UBE2D2: variants seen among roughly 807,000 people sequenced by gnomAD.
UBE2D2 encodes ubiquitin-conjugating enzyme E2 D2.
UBE2D2 carries 2 observed loss-of-function variants against 24.2 expected under a neutral mutation model. The ratio of observed to expected loss-of-function variants is 0.08; its 90% CI spans 0.03 to 0.26. The LOEUF is 0.26. UBE2D2 is among the 10% of genes least tolerant of loss of function. The pLI, the probability that UBE2D2 is intolerant of heterozygous loss-of-function variation, is 1.00. For synonymous variants in UBE2D2, 58 were observed against 56.5 expected (o/e 1.03, Z -0.12); for missense variants, 44 against 177.6 (o/e 0.25, Z 4.28).
chr5:139,532,437 C>T (rs1029590209), intron 1 of UBE2D2, among the ~76,000 whole-genome samples: 4 of 151,864 alleles, frequency 2.6e-5, no homozygotes, highest in African/African-American at 9.7e-5. Flanking sequence ...CTGCAAGCTC[C>T]GCCTCCTCGG....
At position 139,626,681 on chromosome 5, in the gene UBE2D2, A is replaced by T. The variant is rs371268801; in HGVS notation, c.399-75A>T. ...TAAGCTACTCTCTTCAAGTTACTTG[A>T]TGGGATAATGAATGGAATCTGTTGC... On this transcript the variant is annotated intron_variant, in intron 6 of 6. Transcript: ENST00000398733. The T allele has an allele frequency of 3.2e-6, 4 of 1,246,304 alleles. No homozygotes were observed. In the African/African-American group the frequency reaches 4.5e-5, roughly 14 times the overall value. The allele number at this position is 1,246,304 out of a possible 1,614,324, so 77.2% of individuals were successfully genotyped here. A position where few individuals can be genotyped will look rare whatever the true frequency, so the allele number is the denominator to read the frequency against.
intron 1 of UBE2D2, among the ~76,000 whole-genome samples, chr5:139,583,717 A>C (rs1656462865): frequency 6.6e-6 from 1 of 152,182 alleles, no homozygotes; most frequent in Non-Finnish European, 1.5e-5. Flanking sequence ...AGCTGAGATC[A>C]TGCCACTGCA....
chr5:139,614,887 T>C lies in UBE2D2; in HGVS notation c.225T>C (p.His75=). 1 of 1,613,922 alleles carries C rather than the reference T, an allele frequency of 6.2e-7. No homozygotes were observed. The highest frequency in any genetic ancestry group is 8.5e-7 in the Non-Finnish European group (1 of 1,179,940). ...TTGCATTTACAACAAGAATTTATCATCCAAATATTAACAGTAATGGCAGCA... is the reference window on the plus strand; with the variant it reads ...TTGCATTTACAACAAGAATTTATCACCCAAATATTAACAGTAATGGCAGCA... The part of the protein sequence containing the change: ...PKVAFTTRIY[H]PNINSNGSIC... Residue 75 remains histidine, a synonymous_variant, in exon 5 of 7, where the codon CAT becomes CAC. Coordinates refer to ENST00000398733, the MANE Select transcript of UBE2D2 (RefSeq NM_003339.3).
chr5:139,540,118 C>G (rs1373334445), intron 1 of UBE2D2, among the ~76,000 whole-genome samples: 1 of 151,934 alleles, frequency 6.6e-6, no homozygotes, highest in Non-Finnish European at 1.5e-5. Context: ...GGTGTTTCAC[C>G]ATGTTGGCCA....
intron 1 of UBE2D2, among the ~76,000 whole-genome samples, chr5:139,534,651 G>A (rs563201256): frequency 2.0e-5 from 3 of 151,756 alleles, no homozygotes; most frequent in East Asian, 3.9e-4. Context: ...CAGGAGAATC[G>A]CTTGAACCTG....
chr5:139,610,058 G>A (rs930350595), intron 2 of UBE2D2, among the ~76,000 whole-genome samples: 9 of 151,942 alleles, frequency 5.9e-5, no homozygotes, highest in Admixed American at 3.3e-4. Flanking sequence ...GGTGTGAGCC[G>A]CTGCGCCTGG....
chr5:139,567,529 GTTTTTT>G (rs33998713), intron 1 of UBE2D2, among the ~76,000 whole-genome samples: 12 of 100,140 alleles, frequency 1.2e-4, no homozygotes, highest in East Asian at 1.1e-3. Flanking sequence ...AATTTGCTAA[GTTTTTT>G]TTTTTTTTTT....
intron 2 of UBE2D2, among the ~76,000 whole-genome samples, chr5:139,606,133 A>G (rs368350922): frequency 2.6e-5 from 4 of 151,580 alleles, no homozygotes; most frequent in South Asian, 2.1e-4. Context: ...CATACTATCA[A>G]ATATTCTCAC....
chr5:139,602,625 C>T (rs907171803), intron 2 of UBE2D2, among the ~76,000 whole-genome samples: 54 of 152,108 alleles, frequency 3.6e-4, no homozygotes, highest in African/African-American at 1.2e-3. Context: ...CTGTAGTGAG[C>T]CAAGGTTGCA....
At chr5:139,592,382 C>G (rs1358497791) in intron 1 of UBE2D2, among the ~76,000 whole-genome samples, 1 of 152,002 alleles carries the variant, frequency 6.6e-6, no homozygotes, top group Non-Finnish European at 1.5e-5. Context: ...ACTCATCAGA[C>G]ATAAAAGTAA....
chr5:139,589,445 A>G (rs1466729243), intron 1 of UBE2D2, among the ~76,000 whole-genome samples: 1 of 152,084 alleles, frequency 6.6e-6, no homozygotes, highest in African/African-American at 2.4e-5. Flanking sequence ...CTGTAGTCCT[A>G]GCTACTTGGG....
chr5:139,561,874 T>TC, intron 1 of UBE2D2, 59 bp downstream of exon 1: 4 of 1,428,352 alleles, frequency 2.8e-6, no homozygotes, highest in Non-Finnish European at 3.6e-6. Context: ...GGCCTGCACT[T>TC]CCCGCCGTAG....
intron 2 of UBE2D2, among the ~76,000 whole-genome samples, chr5:139,600,775 C>T (rs1754055761): frequency 6.6e-6 from 1 of 152,134 alleles, no homozygotes; most frequent in African/African-American, 2.4e-5. Context: ...TGACTTTCTA[C>T]TGACTCATAC....
At chr5:139,539,566 A>G (rs989192234) in intron 1 of UBE2D2, among the ~76,000 whole-genome samples, 6 of 152,098 alleles carry the variant, frequency 3.9e-5, no homozygotes, top group African/African-American at 1.4e-4. Flanking sequence ...ATAAAACTAT[A>G]TACACACATT....
chr5:139,627,215 T>A lies in UBE2D2; in HGVS notation c.*414T>A, dbSNP rs1178174959. On this transcript the variant is annotated 3_prime_UTR_variant, in exon 7 of 7. Transcript: ENST00000398733. ...GGAATCCATTTAAACTCAAAACAGTTATGAAAAGCAAGGTGAAGAACATGA... is the reference window on the plus strand; with the variant it reads ...GGAATCCATTTAAACTCAAAACAGTAATGAAAAGCAAGGTGAAGAACATGA... The A allele has an allele frequency of 6.4e-6, 1 of 157,272 alleles. No individual in the cohort carries two copies. Among genetic ancestry groups the A allele is most frequent in the African/African-American group, 2.4e-5 (1 of 41,498 alleles). The allele number at this position is 157,272 out of a possible 1,614,324, so 9.7% of individuals were successfully genotyped here.
intron 1 of UBE2D2, among the ~76,000 whole-genome samples, chr5:139,572,617 C>T (rs978262893): frequency 6.6e-6 from 1 of 150,902 alleles, no homozygotes; most frequent in Non-Finnish European, 1.5e-5. Flanking sequence ...ATTGACAGCA[C>T]AAATTACCTC....
chr5:139,609,524 ACC>A (rs1213559852), intron 2 of UBE2D2, among the ~76,000 whole-genome samples: 1 of 148,728 alleles, frequency 6.7e-6, no homozygotes, highest in African/African-American at 2.5e-5. Flanking sequence ...GCAATGCGCC[ACC>A]ATGCTTGGCT....
At chr5:139,562,988 G>A (rs954523319) in intron 1 of UBE2D2, among the ~76,000 whole-genome samples, 1 of 152,006 alleles carries the variant, frequency 6.6e-6, no homozygotes, top group South Asian at 2.1e-4. Context: ...GTGTTGTCCA[G>A]GCTGGTGTGG....
chr5:139,589,820 C>T (rs779778447), intron 1 of UBE2D2, among the ~76,000 whole-genome samples: 2 of 151,810 alleles, frequency 1.3e-5, no homozygotes, highest in South Asian at 2.1e-4. Context: ...AGTCTTGCTC[C>T]GTCGCCCAGG....
Sources: gnomAD v4.1 joint callset for allele counts (sites outside exome capture counted in the v4.1 genomes callset) on GRCh38, gnomAD v4.1.1 for gene constraint, MANE v1.5 for transcripts, NCBI Gene and HGNC (gene_info 2026-07-23, HGNC 2026-07-21) for gene names.